The following PTPRD variants were observed in gnomAD, a reference collection of about 807,000 sequenced individuals.
PTPRD encodes receptor-type tyrosine-protein phosphatase delta.
PTPRD carries 34 observed loss-of-function variants against 214.5 expected under a neutral mutation model. The ratio of observed to expected loss-of-function variants is 0.16; its 90% CI spans 0.12 to 0.21. PTPRD has a LOEUF of 0.21. PTPRD is among the 10% of genes least tolerant of loss of function. The pLI is 1.00. For missense variants in PTPRD, 2,545 were observed against 2,398.7 expected, an observed-to-expected ratio of 1.06 and a Z score of -1.27; for synonymous variants, 1,128 against 845.7, an observed-to-expected ratio of 1.33 and a Z score of -5.79.
chr9:9,880,974 G>A (rs976016734), intron 5 of PTPRD, among the ~76,000 whole-genome samples: 2 of 151,998 alleles, frequency 1.3e-5, no homozygotes, highest in East Asian at 1.9e-4. Flanking sequence ...GTACCTATGT[G>A]TAGTCAAAAA....
chr9:9,485,433 A>G (rs1425709363), intron 8 of PTPRD, among the ~76,000 whole-genome samples: 3 of 152,166 alleles, frequency 2.0e-5, no homozygotes, highest in African/African-American at 4.8e-5. Flanking sequence ...ATCTGTATCA[A>G]TCTTAAATTT....
chr9:9,269,867 C>T (rs10816079), intron 9 of PTPRD, among the ~76,000 whole-genome samples: 44,469 of 150,878 alleles, frequency 0.29, 6,720 homozygotes, highest in East Asian at 0.42. Context: ...GTTGGGGAAA[C>T]AGGGAGATGT....
intron 3 of PTPRD, among the ~76,000 whole-genome samples, chr9:10,293,403 A>C (rs1346330221): frequency 6.6e-6 from 1 of 152,030 alleles, no homozygotes; most frequent in Non-Finnish European, 1.5e-5. Flanking sequence ...ATACAGAATT[A>C]ACAATGTTTT....
chr9:8,495,752 A>G (rs1444319658), intron 26 of PTPRD, among the ~76,000 whole-genome samples: 1 of 152,238 alleles, frequency 6.6e-6, no homozygotes, highest in East Asian at 1.9e-4. Flanking sequence ...AAAGAAGTTT[A>G]CGGTCAAAAA....
intron 44 of PTPRD, among the ~76,000 whole-genome samples, chr9:8,330,396 C>G (rs1389653281): frequency 6.6e-6 from 1 of 151,932 alleles, no homozygotes; most frequent in Non-Finnish European, 1.5e-5. Context: ...ATAAAGTAAA[C>G]ACAACTTTTA....
At chr9:8,836,304 T>C (rs755040621) in intron 11 of PTPRD, among the ~76,000 whole-genome samples, 7 of 152,162 alleles carry the variant, frequency 4.6e-5, no homozygotes, top group Non-Finnish European at 8.8e-5. Flanking sequence ...AACTACAAGA[T>C]ATGCTCTATT....
At chr9:9,006,552 T>G (rs531105361) in intron 11 of PTPRD, among the ~76,000 whole-genome samples, 26 of 152,158 alleles carry the variant, frequency 1.7e-4, no homozygotes, top group African/African-American at 5.8e-4. Flanking sequence ...AATTTGCAAT[T>G]CCCATTGGGC....
At chr9:9,884,752 T>A (rs1458610634) in intron 5 of PTPRD, among the ~76,000 whole-genome samples, 2 of 152,124 alleles carry the variant, frequency 1.3e-5, no homozygotes, top group Non-Finnish European at 2.9e-5. Flanking sequence ...GAGTAAGTTT[T>A]CATGAGATCT....
At chr9:9,804,408 T>G (rs1011526242) in intron 5 of PTPRD, among the ~76,000 whole-genome samples, 1 of 152,150 alleles carries the variant, frequency 6.6e-6, no homozygotes, top group African/African-American at 2.4e-5. Flanking sequence ...TTTAAATGGG[T>G]AAATTGAATG....
In PTPRD at chr9:8,341,991, T is replaced by A. The variant is rs758563974; in HGVS notation, c.4662-13A>T. The A allele has an allele frequency of 2.5e-6, 4 of 1,579,768 alleles. No individual in the cohort carries two copies. In the South Asian group the frequency reaches 4.7e-5, roughly 18 times the overall value. The stretch of plus-strand genomic sequence containing the variant: ...GCCAACTCCCGCACTATGAGGAAAA[T>A]AGAGAAGAAAAGCCCAAATAAACCT... On this transcript the variant is annotated splice_polypyrimidine_tract_variant and intron_variant, in intron 39 of 45. Transcript: ENST00000381196.
chr9:9,463,237 G>T (rs1465884352), intron 8 of PTPRD, among the ~76,000 whole-genome samples: 1 of 152,162 alleles, frequency 6.6e-6, no homozygotes. Flanking sequence ...GAATCAGGCA[G>T]CTAGGGATCA....
chr9:8,620,638 G>A (rs192199671), intron 14 of PTPRD, among the ~76,000 whole-genome samples: 13 of 152,064 alleles, frequency 8.5e-5, no homozygotes, highest in African/African-American at 3.1e-4. Context: ...AGGGAATCCT[G>A]TGTAATGTGC....
chr9:8,489,413 C>A (rs1170220338), intron 27 of PTPRD, among the ~76,000 whole-genome samples: 1 of 152,156 alleles, frequency 6.6e-6, no homozygotes, highest in African/African-American at 2.4e-5. Context: ...TCTCTATTGC[C>A]AAACCCACAA....
In PTPRD at chr9:10,371,556, C is replaced by G. The variant is rs893945117; in HGVS notation, c.-599-30539G>C. Among the ~76,000 whole-genome samples the G allele has an allele frequency of 1.3e-5, 2 of 151,940 alleles. 1 individual carries two copies. The highest frequency in any genetic ancestry group is 2.9e-5 in the Non-Finnish European group (2 of 67,978). ...TGTCTGTTGAGTCCTCTTCAGAATT[C>G]CAGTTATCATTATCTTGGAAACTTC... On this transcript the variant is annotated intron_variant, in intron 2 of 45. Coordinates refer to ENST00000381196, the MANE Select transcript of PTPRD (RefSeq NM_002839.4).
chr9:9,430,826 G>A (rs1010308340), intron 8 of PTPRD, among the ~76,000 whole-genome samples: 12 of 152,280 alleles, frequency 7.9e-5, no homozygotes, highest in Middle Eastern at 3.4e-3. Flanking sequence ...TTAATAAATG[G>A]TTCTGGGAAA....
intron 11 of PTPRD, among the ~76,000 whole-genome samples, chr9:8,987,676 C>A (rs920907603): frequency 6.6e-6 from 1 of 151,982 alleles, no homozygotes; most frequent in African/African-American, 2.4e-5. Context: ...TACAATAACA[C>A]AATGAATGTG....
rs1595506188 is a variant in PTPRD, at chr9:9,698,348, T to C, written c.-287+36185A>G. ...GTATCTTTTCTGCTAAGTTACTTTC[T>C]CCTTTTTAGCACTAAAGAGTGCCTT... On this transcript the variant is annotated intron_variant, in intron 7 of 45. Transcript: ENST00000381196. 2.6e-5 allele frequency among the ~76,000 whole-genome samples: 4 copies of C among 152,338 alleles called. No homozygotes were observed. The South Asian group carries it at 8.3e-4, about 32-fold the overall frequency.
At chr9:10,489,206 A>C (rs2099152183) in intron 2 of PTPRD, among the ~76,000 whole-genome samples, 1 of 152,088 alleles carries the variant, frequency 6.6e-6, no homozygotes, top group African/African-American at 2.4e-5. Context: ...CATTGCCTTC[A>C]AGGCATCAAG....
intron 14 of PTPRD, among the ~76,000 whole-genome samples, chr9:8,545,599 C>T (rs1437432717): frequency 6.6e-6 from 1 of 152,186 alleles, no homozygotes; most frequent in Non-Finnish European, 1.5e-5. Context: ...AACTGTTTTA[C>T]AGTCAAAGTC....
Sources: gnomAD v4.1 joint callset for allele counts (sites outside exome capture counted in the v4.1 genomes callset) on GRCh38, gnomAD v4.1.1 for gene constraint, MANE v1.5 for transcripts, NCBI Gene and HGNC (gene_info 2026-07-23, HGNC 2026-07-21) for gene names.